LVRN: variants seen among roughly 807,000 people sequenced by gnomAD.
LVRN encodes the protein laeverin, also known as aminopeptidase Q.
A neutral mutation model predicts 111.4 loss-of-function variants in LVRN; 99 were observed. The ratio of observed to expected loss-of-function variants is 0.89; its 90% CI spans 0.76 to 1.05. The LOEUF is 1.05. Ranked by LOEUF, LVRN falls within the 50% of genes least tolerant of loss-of-function variation. The probability of loss-of-function intolerance (pLI) is 0.00; values close to 1 mark genes in which losing one functional copy is unlikely to be tolerated. For missense variants in LVRN, 1,414 were observed against 1,206.8 expected, an observed-to-expected ratio of 1.17 and a Z score of -2.54; for synonymous variants, 488 against 449.5, an observed-to-expected ratio of 1.09 and a Z score of -1.08.
At chr5:115,973,497 C>T (rs929376910) in intron 1 of LVRN, among the ~76,000 whole-genome samples, 7 of 151,978 alleles carry the variant, frequency 4.6e-5, no homozygotes, top group Admixed American at 3.3e-4. Context: ...CTTCTTTAAC[C>T]GTCTGATTGA....
At position 116,010,868 on chromosome 5, in the gene LVRN, A is replaced by G; in HGVS notation, c.2221A>G (p.Ile741Val). Residue 741 changes from isoleucine (I) to valine (V), a missense_variant, in exon 14 of 20, where the codon ATC becomes GTC. By Grantham distance (29) the Ile-to-Val change is conservative (BLOSUM62 3). Coordinates refer to ENST00000357872, the MANE Select transcript of LVRN (RefSeq NM_173800.5). ...VTRDLVSEVNIYDIYSLLKRY... is the reference protein window; with the variant it reads ...VTRDLVSEVNVYDIYSLLKRY... ...CAGGGATCTTGTTTCTGAGGTGAAC[A>G]TCTATGATATATACTCATTATTAAA... The G allele has an allele frequency of 6.2e-7, 1 of 1,607,836 alleles. No homozygotes were observed. The highest frequency in any genetic ancestry group is 8.5e-7 in the Non-Finnish European group (1 of 1,176,924).
At chr5:115,988,545 T>C (rs1323707975) in intron 4 of LVRN, among the ~76,000 whole-genome samples, 1 of 152,232 alleles carries the variant, frequency 6.6e-6, no homozygotes, top group East Asian at 1.9e-4. Context: ...TCATTGTTTT[T>C]TCTCTAAATT....
rs1301138244 is a variant in LVRN at position 115,962,934 on chromosome 5, A to T, written c.317A>T (p.His106Leu). The stretch of plus-strand genomic sequence containing the variant: ...CTGCCGCCCTGGCTCGTGCCGCTGC[A>T]CTACGATCTGGAGCTGTGGCCGCAG... ...LRLPPWLVPL[H>L]YDLELWPQLR... The change falls in exon 1 of 20, where the codon CAC (histidine) becomes CTC (leucine). Residue 106 changes from histidine (H) to leucine (L), a missense_variant. Physicochemically the swap from His to Leu is moderately conservative, Grantham distance 99. Coordinates refer to ENST00000357872, the MANE Select transcript of LVRN (RefSeq NM_173800.5). The T allele has an allele frequency of 6.2e-7, 1 of 1,612,950 alleles. No individual in the cohort carries two copies.
At chr5:115,968,014 T>C (rs1753238394) in intron 1 of LVRN, among the ~76,000 whole-genome samples, 1 of 152,176 alleles carries the variant, frequency 6.6e-6, no homozygotes, top group Non-Finnish European at 1.5e-5. Flanking sequence ...TCTACATAGA[T>C]CATCATGTTG....
Position 116,003,387 on chromosome 5 carries a change from T to C in LVRN, c.2037+7T>C. 2 of 1,384,816 alleles carry C rather than the reference T, an allele frequency of 1.4e-6. No homozygotes were observed. The highest frequency in any genetic ancestry group is 9.8e-7 in the Non-Finnish European group (1 of 1,020,140). The allele number at this position is 1,384,816 out of a possible 1,614,324, so 85.8% of individuals were successfully genotyped here. A position where few individuals can be genotyped will look rare whatever the true frequency, so the allele number is the denominator to read the frequency against. On this transcript the variant is annotated splice_region_variant and intron_variant, in intron 12 of 19. Transcript: ENST00000357872. Reference sequence around the variant, plus strand: ...ACTTGAAAAGGATCCTAAGGTAAGGTTACTTTTGATACTTTTAATTAAATA... The same window carrying C: ...ACTTGAAAAGGATCCTAAGGTAAGGCTACTTTTGATACTTTTAATTAAATA...
In LVRN at chr5:115,962,986, G is replaced by T; in HGVS notation, c.369G>T (p.Gly123=). 1 of 1,613,556 alleles carries T rather than the reference G, an allele frequency of 6.2e-7. No individual in the cohort carries two copies. Among genetic ancestry groups the T allele is most frequent in the Non-Finnish European group, 8.5e-7 (1 of 1,179,902 alleles). ...PQLRPDELPA[G]SLPFTGRVNI... ...TGAGGCCCGACGAGCTTCCGGCCGG[G>T]TCTTTGCCCTTCACTGGCCGCGTGA... The change falls in exon 1 of 20, where the codon GGG becomes GGT. Residue 123 remains glycine (G), a synonymous_variant. Transcript: ENST00000357872.
chr5:115,996,717 C>T (rs995615426), intron 6 of LVRN, among the ~76,000 whole-genome samples: 2 of 152,196 alleles, frequency 1.3e-5, no homozygotes, highest in Non-Finnish European at 2.9e-5. Context: ...CTGGCCCTGA[C>T]ATTGCCACTC....
Position 116,025,984 on chromosome 5 carries a change from C to A in LVRN, c.2839C>A (p.Gln947Lys), listed in dbSNP as rs1173380830. The A allele has an allele frequency of 6.2e-7, 1 of 1,613,718 alleles. No homozygotes were observed. The highest frequency in any genetic ancestry group is 1.7e-5 in the Admixed American group (1 of 60,000). Residue 947 changes from glutamine (Q) to lysine (K), a missense_variant, in exon 20 of 20, where the codon CAG (glutamine) becomes AAG (lysine). Coordinates refer to ENST00000357872, the MANE Select transcript of LVRN (RefSeq NM_173800.5). ...TTDLQIVELQ[Q>K]FFSNMLEEHQ... is the part of the protein sequence containing the mutation. ...TGTCTCTCTGTCCTTCCAGCTGCAG[C>A]AGTTTTTCAGTAACATGTTGGAGGA...
At chr5:115,986,196 A>G (rs1747861048) in intron 3 of LVRN, among the ~76,000 whole-genome samples, 1 of 152,236 alleles carries the variant, frequency 6.6e-6, no homozygotes, top group Admixed American at 6.5e-5. Flanking sequence ...AATAATTACT[A>G]GTAGAACCTT....
chr5:115,998,531 T>A (rs1215895221), intron 6 of LVRN, among the ~76,000 whole-genome samples: 2 of 152,224 alleles, frequency 1.3e-5, no homozygotes, highest in Non-Finnish European at 2.9e-5. Context: ...TTTTATTTTC[T>A]CTATTTTCTA....
chr5:116,008,483 G>C (rs566660080), intron 13 of LVRN, among the ~76,000 whole-genome samples: 4 of 152,090 alleles, frequency 2.6e-5, no homozygotes, highest in Admixed American at 6.5e-5. Context: ...AGTGAGGAAG[G>C]CATGTTGAAA....
intron 1 of LVRN, among the ~76,000 whole-genome samples, chr5:115,972,480 A>T (rs1442834250): frequency 2.6e-5 from 4 of 151,180 alleles, no homozygotes; most frequent in African/African-American, 7.3e-5. Flanking sequence ...CTTTTTATTT[A>T]AAAAAAAGCT....
intron 18 of LVRN, among the ~76,000 whole-genome samples, chr5:116,016,089 G>C (rs185809297): frequency 1.2e-3 from 178 of 152,196 alleles, no homozygotes; most frequent in Non-Finnish European, 1.8e-3. Flanking sequence ...GCTACAAAAT[G>C]TTTCAGACTC....
Position 116,002,944 on chromosome 5 carries a change from A to G in LVRN, c.1897+33A>G, listed in dbSNP as rs753577912. 5.5e-6 allele frequency: 8 copies of G among 1,460,850 alleles called. No individual in the cohort carries two copies. In the East Asian group the frequency reaches 1.8e-4, roughly 33 times the overall value. The allele number at this position is 1,460,850 out of a possible 1,614,324, so 90.5% of individuals were successfully genotyped here. A position where few individuals can be genotyped will look rare whatever the true frequency, so the allele number is the denominator to read the frequency against. Reference sequence around the variant, plus strand: ...ACAAATTTTAAAAACATCTTTATATATATGCATATGTAAAGGCAGGGAATA... The same window carrying G: ...ACAAATTTTAAAAACATCTTTATATGTATGCATATGTAAAGGCAGGGAATA... On this transcript the variant is annotated intron_variant, in intron 11 of 19. Transcript: ENST00000357872.
chr5:115,999,704 A>T (rs1748195289), intron 6 of LVRN, 58 bp from the exon 7 acceptor site: 1 of 1,561,414 alleles, frequency 6.4e-7, no homozygotes. Context: ...AGGGCCATAG[A>T]ATTTTGGTCT....
rs775889925 is a variant in LVRN, at chr5:116,026,142, C to T, written c.*24C>T. The stretch of plus-strand genomic sequence containing the variant: ...AGCTTGTGGCTATCTTTCAGCACTC[C>T]TCTTGCATATTATAATGTAGTTTGT... On this transcript the variant is annotated 3_prime_UTR_variant, in exon 20 of 20. Coordinates refer to ENST00000357872, the MANE Select transcript of LVRN (RefSeq NM_173800.5). 1.2e-6 allele frequency: 2 copies of T among 1,613,094 alleles called. No individual in the cohort carries two copies. The highest frequency in any genetic ancestry group is 2.2e-5 in the South Asian group (2 of 90,978).
Position 116,000,488 on chromosome 5 carries a change from G to T in LVRN, c.1571G>T (p.Ser524Ile). 2 of 1,614,140 alleles carry T rather than the reference G, an allele frequency of 1.2e-6. No individual in the cohort carries two copies. Among genetic ancestry groups the T allele is most frequent in the Non-Finnish European group, 1.7e-6 (2 of 1,179,996 alleles). The change falls in exon 8 of 20, where the codon AGT becomes ATT. Residue 524 changes from serine (S) to isoleucine (I), a missense_variant. Physicochemically the swap from Ser to Ile is moderately radical, Grantham distance 142 (BLOSUM62 -2). Coordinates refer to ENST00000357872, the MANE Select transcript of LVRN (RefSeq NM_173800.5). Reference sequence around the variant, plus strand: ...TTCTTGAATGAGCATTTATTTGTCAGTGCACTCAAGGTGAGTTTGCAAAAT... The same window carrying T: ...TTCTTGAATGAGCATTTATTTGTCATTGCACTCAAGGTGAGTTTGCAAAAT... ...SCFLNEHLFV[S>I]ALKSYLKTFS...
At chr5:116,007,261 C>G (rs1748394658) in intron 13 of LVRN, among the ~76,000 whole-genome samples, 1 of 152,196 alleles carries the variant, frequency 6.6e-6, no homozygotes, top group Non-Finnish European at 1.5e-5. Flanking sequence ...TCCACCTAAT[C>G]TAAACTCTTC....
At chr5:116,012,744 A>G (rs534504686) in intron 15 of LVRN, among the ~76,000 whole-genome samples, 4 of 152,218 alleles carry the variant, frequency 2.6e-5, no homozygotes, top group African/African-American at 4.8e-5. Context: ...GAAATTATAA[A>G]TGTGTCCTAC....
Sources: allele counts gnomAD v4.1 joint callset (sites outside exome capture counted in the v4.1 genomes callset), GRCh38; gene constraint gnomAD v4.1.1; transcripts MANE v1.5; gene names NCBI Gene and HGNC (gene_info 2026-07-23, HGNC 2026-07-21).